SDK1: variants seen among roughly 807,000 people sequenced by gnomAD.
The protein encoded by SDK1 is sidekick cell adhesion molecule 1, also known as protein sidekick-1.
SDK1 carries 157 observed loss-of-function variants against 245.5 expected under a neutral mutation model. The observed-to-expected ratio is 0.64, with a 90% confidence interval of 0.56 to 0.73. The LOEUF is 0.73. Among genes scored for constraint, SDK1 ranks in the 30% least tolerant of loss-of-function variants. The pLI, the probability that SDK1 is intolerant of heterozygous loss-of-function variation, is 0.00. For synonymous variants in SDK1, 1,647 were observed against 1,278.5 expected (o/e 1.29, Z -6.15); for missense variants, 3,583 against 3,002.3 (o/e 1.19, Z -4.52).
At chr7:4,064,636 A>T (rs893802880) in intron 19 of SDK1, among the ~76,000 whole-genome samples, 1 of 152,234 alleles carries the variant, frequency 6.6e-6, no homozygotes, top group African/African-American at 2.4e-5. Context: ...CACCATTCAC[A>T]GTAGCCAAGA....
intron 5 of SDK1, among the ~76,000 whole-genome samples, chr7:3,908,195 C>T (rs1011293337): frequency 6.6e-5 from 10 of 152,158 alleles, no homozygotes; most frequent in Non-Finnish European, 1.2e-4. Flanking sequence ...ATGGGCCGTG[C>T]GCATAACCCG....
At chr7:4,225,476 G>A (rs1487068558) in intron 40 of SDK1, among the ~76,000 whole-genome samples, 1 of 152,138 alleles carries the variant, frequency 6.6e-6, no homozygotes, top group Non-Finnish European at 1.5e-5. Flanking sequence ...TTAACGCTGT[G>A]AACACATCTC....
intron 5 of SDK1, among the ~76,000 whole-genome samples, chr7:3,835,241 T>G (rs1036522322): frequency 3.9e-5 from 6 of 152,206 alleles, no homozygotes; most frequent in African/African-American, 1.4e-4. Context: ...CTTAGTAAGG[T>G]GCCCGAAGAT....
chr7:4,223,323 G>C (rs532471379), intron 40 of SDK1, among the ~76,000 whole-genome samples: 1 of 152,220 alleles, frequency 6.6e-6, no homozygotes, highest in Non-Finnish European at 1.5e-5. Context: ...AGGCACATTC[G>C]TTATCCAGGG....
intron 44 of SDK1, among the ~76,000 whole-genome samples, chr7:4,253,078 C>T (rs1430454931): frequency 1.3e-5 from 2 of 152,086 alleles, no homozygotes; most frequent in Admixed American, 6.6e-5. Context: ...TTGCAAAGAA[C>T]CAACTTGTAG....
chr7:3,561,874 T>G (rs1779762685), intron 1 of SDK1, among the ~76,000 whole-genome samples: 1 of 152,254 alleles, frequency 6.6e-6, no homozygotes. Context: ...ATAAGGAACC[T>G]GTAAGTCATG....
chr7:3,930,825 C>G (rs1779950951), intron 5 of SDK1, among the ~76,000 whole-genome samples: 1 of 151,980 alleles, frequency 6.6e-6, no homozygotes, highest in African/African-American at 2.4e-5. Flanking sequence ...AAAGAAAAGT[C>G]TCTCTGAGTA....
At chr7:3,422,827 G>A (rs1452157673) in intron 1 of SDK1, among the ~76,000 whole-genome samples, 3 of 152,172 alleles carry the variant, frequency 2.0e-5, no homozygotes, top group Non-Finnish European at 4.4e-5. Flanking sequence ...AAAAATACCA[G>A]AAACAGCTGA....
chr7:3,511,451 T>A (rs1782575518), intron 1 of SDK1, among the ~76,000 whole-genome samples: 1 of 152,230 alleles, frequency 6.6e-6, no homozygotes, highest in African/African-American at 2.4e-5. Flanking sequence ...GTCATTTTAC[T>A]TACTTTAGTG....
chr7:3,894,411 C>G (rs531438408), intron 5 of SDK1, among the ~76,000 whole-genome samples: 3 of 151,570 alleles, frequency 2.0e-5, no homozygotes, highest in Admixed American at 6.6e-5. Flanking sequence ...AAGCTCCTGA[C>G]AGCCTCTGCA....
At chr7:3,706,350 C>G (rs993896086) in intron 4 of SDK1, among the ~76,000 whole-genome samples, 1 of 152,194 alleles carries the variant, frequency 6.6e-6, no homozygotes, top group African/African-American at 2.4e-5. Context: ...GGCACCAATT[C>G]TTTGAATGTC....
At chr7:3,393,733 G>A (rs1207125505) in intron 1 of SDK1, among the ~76,000 whole-genome samples, 1 of 152,008 alleles carries the variant, frequency 6.6e-6, no homozygotes, top group Non-Finnish European at 1.5e-5. Context: ...TTATCTGATA[G>A]TATTCTGAAT....
intron 5 of SDK1, among the ~76,000 whole-genome samples, chr7:3,876,504 A>G (rs1345740714): frequency 5.9e-5 from 9 of 152,230 alleles, no homozygotes; most frequent in Non-Finnish European, 1.3e-4. Flanking sequence ...AGATGCTTTT[A>G]GAAACTGGTT....
chr7:3,819,726 T>C (rs1166659330), intron 4 of SDK1, among the ~76,000 whole-genome samples: 1 of 152,054 alleles, frequency 6.6e-6, no homozygotes, highest in Non-Finnish European at 1.5e-5. Flanking sequence ...AAATGAGACA[T>C]GAAGTAAGTC....
intron 20 of SDK1, among the ~76,000 whole-genome samples, chr7:4,069,475 G>A (rs59136980): frequency 0.077 from 11,755 of 152,308 alleles, 1,024 homozygotes; most frequent in African/African-American, 0.21. Flanking sequence ...CCAAGGTTGA[G>A]TGAGTTGCCC....
At chr7:4,023,952 A>G (rs1457250772) in intron 17 of SDK1, among the ~76,000 whole-genome samples, 1 of 152,220 alleles carries the variant, frequency 6.6e-6, no homozygotes, top group Non-Finnish European at 1.5e-5. Flanking sequence ...CCTTCTATAC[A>G]TTTTTTGAAT....
chr7:3,309,366 C>T (rs1334319337), intron 1 of SDK1, among the ~76,000 whole-genome samples: 1 of 149,134 alleles, frequency 6.7e-6, no homozygotes, highest in Non-Finnish European at 1.5e-5. Context: ...GTTTCCACAG[C>T]CAAGTTTTTT....
At position 4,266,335 on chromosome 7, in the gene SDK1, T is replaced by C. The variant is rs888113931; in HGVS notation, c.*951T>C. ...CTGTCTCCAGGTGCCTTTTTATTAATTGTTCAGCTTTGTACATGGGAAAGA... is the reference window on the plus strand; with the variant it reads ...CTGTCTCCAGGTGCCTTTTTATTAACTGTTCAGCTTTGTACATGGGAAAGA... On this transcript the variant is annotated 3_prime_UTR_variant, in exon 45 of 45. Transcript: ENST00000404826. 6 of 985,370 alleles carry C rather than the reference T, an allele frequency of 6.1e-6. No individual in the cohort carries two copies. In the African/African-American group the frequency reaches 8.7e-5, roughly 14 times the overall value. The allele number at this position is 985,370 out of a possible 1,614,324, so 61.0% of individuals were successfully genotyped here. A position where few individuals can be genotyped will look rare whatever the true frequency, so the allele number is the denominator to read the frequency against.
intron 1 of SDK1, among the ~76,000 whole-genome samples, chr7:3,433,694 T>C (rs746102746): frequency 2.6e-4 from 39 of 152,212 alleles, no homozygotes; most frequent in Non-Finnish European, 5.0e-4. Context: ...GGAAATCTTT[T>C]TGTCATTCCA....
Sources: allele counts gnomAD v4.1 joint callset (sites outside exome capture counted in the v4.1 genomes callset), GRCh38; gene constraint gnomAD v4.1.1; transcripts MANE v1.5; gene names NCBI Gene and HGNC (gene_info 2026-07-23, HGNC 2026-07-21).